TBCEL: variants seen among roughly 807,000 people sequenced by gnomAD.
TBCEL encodes tubulin folding cofactor E like.
TBCEL carries 15 observed loss-of-function variants against 44.2 expected under a neutral mutation model. The ratio of observed to expected loss-of-function variants is 0.34; its 90% CI spans 0.23 to 0.52. The LOEUF (loss-of-function observed/expected upper bound fraction) is 0.52. Among genes scored for constraint, TBCEL ranks in the 20% least tolerant of loss-of-function variants. The pLI is 0.95. For synonymous variants in TBCEL, 171 were observed against 185.4 expected, an observed-to-expected ratio of 0.92 and a Z score of 0.63; for missense variants, 319 against 506.3, an observed-to-expected ratio of 0.63 and a Z score of 3.55.
At chr11:121,071,047 AG>A (rs1945921158) in intron 8 of TBCEL, among the ~76,000 whole-genome samples, 1 of 152,138 alleles carries the variant, frequency 6.6e-6, no homozygotes, top group Admixed American at 6.5e-5. Flanking sequence ...GATTTCTCTG[AG>A]GGTATAGAAA....
chr11:121,052,184 T>C (rs1000275535), intron 4 of TBCEL, among the ~76,000 whole-genome samples: 1 of 151,906 alleles, frequency 6.6e-6, no homozygotes, highest in Non-Finnish European at 1.5e-5. Context: ...ATTTATTAAA[T>C]GATTTTTTGC....
intron 6 of TBCEL, among the ~76,000 whole-genome samples, chr11:121,057,159 T>A (rs144956610): frequency 5.3e-4 from 80 of 151,972 alleles, no homozygotes; most frequent in African/African-American, 1.9e-3. Flanking sequence ...GGAAATGCCA[T>A]TCTAAGGGAT....
At position 121,069,511 on chromosome 11, in the gene TBCEL, C is replaced by T. The variant is rs558574142; in HGVS notation, c.956+9426C>T. Among the ~76,000 whole-genome samples the T allele has an allele frequency of 3.3e-5, 5 of 152,252 alleles. No homozygotes were observed. The South Asian group carries it at 8.3e-4, about 25-fold the overall frequency. ...ACTAGTGAAAAGTAGTAAGTGGGAGCTGGGCACAGTGGCTCACTCCTGTAA... is the reference window on the plus strand; with the variant it reads ...ACTAGTGAAAAGTAGTAAGTGGGAGTTGGGCACAGTGGCTCACTCCTGTAA... On this transcript the variant is annotated intron_variant, in intron 8 of 8. Coordinates refer to ENST00000683345, the MANE Select transcript of TBCEL (RefSeq NM_001363644.2).
At chr11:121,070,489 G>A (rs1945908258) in intron 8 of TBCEL, among the ~76,000 whole-genome samples, 1 of 152,154 alleles carries the variant, frequency 6.6e-6, no homozygotes, top group Admixed American at 6.5e-5. Flanking sequence ...TTAAGAAAAT[G>A]TGGCACATAT....
intron 8 of TBCEL, among the ~76,000 whole-genome samples, chr11:121,064,639 TC>T (rs1443499808): frequency 9.2e-5 from 14 of 152,170 alleles, no homozygotes; most frequent in Non-Finnish European, 1.5e-4. Context: ...TTTCAGTGTC[TC>T]CTATCTGCAT....
intron 8 of TBCEL, among the ~76,000 whole-genome samples, chr11:121,078,502 T>C (rs994969360): frequency 1.3e-4 from 20 of 152,320 alleles, no homozygotes; most frequent in Non-Finnish European, 2.8e-4. Flanking sequence ...CACCAAGTGA[T>C]TTAATTCAGT....
chr11:121,064,133 C>G (rs1945774300), intron 8 of TBCEL, among the ~76,000 whole-genome samples: 1 of 152,118 alleles, frequency 6.6e-6, no homozygotes, highest in Non-Finnish European at 1.5e-5. Flanking sequence ...GCAGACATGC[C>G]TTTGGGTTCT....
intron 6 of TBCEL, among the ~76,000 whole-genome samples, chr11:121,058,037 A>T (rs138178612): frequency 2.1e-3 from 314 of 151,970 alleles, no homozygotes; most frequent in African/African-American, 7.1e-3. Context: ...CATCCTGCTT[A>T]TTGATGAAAC....
At chr11:121,067,811 C>T (rs1945848557) in intron 8 of TBCEL, among the ~76,000 whole-genome samples, 1 of 152,158 alleles carries the variant, frequency 6.6e-6, no homozygotes, top group African/African-American at 2.4e-5. Context: ...GGAAATAACT[C>T]TAGATTCTAG....
intron 8 of TBCEL, among the ~76,000 whole-genome samples, chr11:121,073,259 G>T (rs181791192): frequency 2.0e-5 from 3 of 151,836 alleles, no homozygotes; most frequent in African/African-American, 7.2e-5. Context: ...TGATGCTATT[G>T]TATATTCCTA....
chr11:121,077,127 C>G (rs1238861161), intron 8 of TBCEL, among the ~76,000 whole-genome samples: 2 of 151,790 alleles, frequency 1.3e-5, no homozygotes, highest in Non-Finnish European at 2.9e-5. Context: ...ATGTCTTTGT[C>G]TTATTTTGAT....
intron 1 of TBCEL, among the ~76,000 whole-genome samples, chr11:121,027,738 C>T (rs1276188200): frequency 2.0e-5 from 3 of 152,148 alleles, no homozygotes; most frequent in Non-Finnish European, 4.4e-5. Context: ...TCTGTACTGC[C>T]TTTGCTATAT....
chr11:121,030,849 A>T (rs917543635), intron 1 of TBCEL, among the ~76,000 whole-genome samples: 4 of 150,398 alleles, frequency 2.7e-5, no homozygotes, highest in African/African-American at 9.9e-5. Context: ...TATAAATGGA[A>T]TTATACTGTA....
At chr11:121,058,267 A>G (rs1325767215) in intron 6 of TBCEL, 78 bp from the exon 7 acceptor site, 10 of 1,484,032 alleles carry the variant, frequency 6.7e-6, no homozygotes, top group Non-Finnish European at 9.2e-6. Flanking sequence ...TTACTAATTG[A>G]GCTAATATTT....
intron 2 of TBCEL, among the ~76,000 whole-genome samples, chr11:121,037,123 C>T (rs1372939714): frequency 6.6e-6 from 1 of 152,034 alleles, no homozygotes; most frequent in Non-Finnish European, 1.5e-5. Flanking sequence ...GGTTGATGTG[C>T]CACATTACTA....
At chr11:121,055,535 A>G (rs1425203675) in intron 6 of TBCEL, among the ~76,000 whole-genome samples, 1 of 151,898 alleles carries the variant, frequency 6.6e-6, no homozygotes, top group Non-Finnish European at 1.5e-5. Flanking sequence ...TATTTTATAC[A>G]TTAAAGGGGT....
intron 6 of TBCEL, among the ~76,000 whole-genome samples, chr11:121,056,689 T>C (rs1945626928): frequency 6.6e-6 from 1 of 151,768 alleles, no homozygotes; most frequent in African/African-American, 2.4e-5. Flanking sequence ...ATAGGTATAT[T>C]GGGGTATCTT....
At chr11:121,086,681 G>A in intron 8 of TBCEL, 97 bp from the exon 9 acceptor site, 2 of 899,082 alleles carry the variant, frequency 2.2e-6, no homozygotes, top group South Asian at 3.6e-5. Flanking sequence ...TTTTAAAGAT[G>A]TTGAGCCTAG....
At position 121,053,545 on chromosome 11, in the gene TBCEL, C is replaced by T. The variant is rs757553542; in HGVS notation, c.274-6C>T. ...CCTGATAATGCTTTTCTTTTTTTCT[C>T]CTTAGGTCAGTAAAATTGTGTCAAA... On this transcript the variant is annotated splice_polypyrimidine_tract_variant and splice_region_variant and intron_variant, in intron 4 of 8. Coordinates refer to ENST00000683345, the MANE Select transcript of TBCEL (RefSeq NM_001363644.2). The T allele has an allele frequency of 1.9e-6, 3 of 1,610,318 alleles. No individual in the cohort carries two copies. The highest frequency in any genetic ancestry group is 3.4e-5 in the Admixed American group (2 of 59,552).
Sources: gnomAD v4.1 joint callset for allele counts (sites outside exome capture counted in the v4.1 genomes callset) on GRCh38, gnomAD v4.1.1 for gene constraint, MANE v1.5 for transcripts, NCBI Gene and HGNC (gene_info 2026-07-23, HGNC 2026-07-21) for gene names.